The following OR9Q1 variants were observed in gnomAD, a reference collection of about 807,000 sequenced individuals.
The protein encoded by OR9Q1 is olfactory receptor family 9 subfamily Q member 1, also known as olfactory receptor 9Q1.
For synonymous variants in OR9Q1, 153 were observed against 148.6 expected, an observed-to-expected ratio of 1.03 and a Z score of -0.22; for missense variants, 374 against 378.8, an observed-to-expected ratio of 0.99 and a Z score of 0.11.
At chr11:58,113,669 A>G (rs1853923790) in intron 2 of OR9Q1, among the ~76,000 whole-genome samples, 2 of 152,188 alleles carry the variant, frequency 1.3e-5, no homozygotes, top group South Asian at 4.1e-4. Flanking sequence ...ATATAACTCT[A>G]TGCCAACTAT....
intron 1 of OR9Q1, among the ~76,000 whole-genome samples, chr11:58,026,147 G>A (rs1194676998): frequency 6.6e-6 from 1 of 152,158 alleles, no homozygotes; most frequent in Non-Finnish European, 1.5e-5. Flanking sequence ...GGCAGGACTT[G>A]CAACTCATTT....
chr11:58,032,598 C>T (rs912206595), intron 1 of OR9Q1, among the ~76,000 whole-genome samples: 2 of 152,132 alleles, frequency 1.3e-5, no homozygotes, highest in Non-Finnish European at 2.9e-5. Flanking sequence ...CTACTTATCA[C>T]CATATTCAAA....
chr11:58,112,209 C>G (rs1158944213), intron 2 of OR9Q1, among the ~76,000 whole-genome samples: 1 of 151,976 alleles, frequency 6.6e-6, no homozygotes, highest in African/African-American at 2.4e-5. Context: ...AGGAGAATTT[C>G]TTGAACCCGG....
chr11:58,066,322 A>AC (rs1400324040), intron 2 of OR9Q1, among the ~76,000 whole-genome samples: 1 of 152,114 alleles, frequency 6.6e-6, no homozygotes, highest in East Asian at 1.9e-4. Context: ...GATAGTGTCC[A>AC]CCATGGACAC....
chr11:58,025,268 G>T (rs1002967506), intron 1 of OR9Q1, among the ~76,000 whole-genome samples: 4 of 152,138 alleles, frequency 2.6e-5, no homozygotes, highest in Non-Finnish European at 5.9e-5. Flanking sequence ...CCGCCTCCCG[G>T]GTTCAAGAGA....
chr11:58,173,955 G>A (rs1312067085), intron 2 of OR9Q1, among the ~76,000 whole-genome samples: 2 of 152,174 alleles, frequency 1.3e-5, no homozygotes, highest in Non-Finnish European at 2.9e-5. Flanking sequence ...TGATCTTGAT[G>A]TAATTTGTTG....
chr11:58,142,838 T>A (rs1854263532), intron 2 of OR9Q1, among the ~76,000 whole-genome samples: 1 of 152,148 alleles, frequency 6.6e-6, no homozygotes. Context: ...AATTGTGGAA[T>A]AGCTTGATTC....
At chr11:58,114,990 G>T (rs977449425) in intron 2 of OR9Q1, among the ~76,000 whole-genome samples, 11 of 152,136 alleles carry the variant, frequency 7.2e-5, no homozygotes, top group African/African-American at 2.7e-4. Context: ...TGTCCACATG[G>T]CTTACCTGTC....
At chr11:58,129,687 A>G (rs1028904691) in intron 2 of OR9Q1, among the ~76,000 whole-genome samples, 4 of 152,100 alleles carry the variant, frequency 2.6e-5, no homozygotes, top group African/African-American at 7.2e-5. Context: ...TGCAGGTCTC[A>G]GTGTAAATAC....
intron 2 of OR9Q1, among the ~76,000 whole-genome samples, chr11:58,120,104 T>C (rs958573850): frequency 6.6e-6 from 1 of 152,184 alleles, no homozygotes; most frequent in Non-Finnish European, 1.5e-5. Flanking sequence ...CAAAAAGTCT[T>C]TCTTTCTACT....
intron 2 of OR9Q1, among the ~76,000 whole-genome samples, chr11:58,087,448 T>C (rs1853644615): frequency 6.6e-6 from 1 of 151,970 alleles, no homozygotes; most frequent in Non-Finnish European, 1.5e-5. Context: ...ATGATTGTAG[T>C]AAACTATTAT....
At chr11:58,162,239 C>G (rs1328657563) in intron 2 of OR9Q1, among the ~76,000 whole-genome samples, 1 of 152,166 alleles carries the variant, frequency 6.6e-6, no homozygotes, top group East Asian at 1.9e-4. Flanking sequence ...TAAAAATGTC[C>G]TAACTTCTCT....
At chr11:58,073,583 C>T (rs1442513722) in intron 2 of OR9Q1, 2 of 152,834 alleles carry the variant, frequency 1.3e-5, no homozygotes, top group African/African-American at 4.8e-5. Context: ...CTGTAAGTTT[C>T]CTGTCTGCAG....
chr11:58,108,310 A>C (rs1853862561), intron 2 of OR9Q1, among the ~76,000 whole-genome samples: 1 of 152,170 alleles, frequency 6.6e-6, no homozygotes, highest in African/African-American at 2.4e-5. Flanking sequence ...TTCTACAAAG[A>C]GTAAAGTCAG....
intron 2 of OR9Q1, among the ~76,000 whole-genome samples, chr11:58,113,840 G>T (rs916936411): frequency 3.3e-5 from 5 of 151,698 alleles, no homozygotes; most frequent in African/African-American, 9.7e-5. Context: ...AAATTGGAAA[G>T]CACATTGAAT....
chr11:58,088,898 C>T lies in OR9Q1; in HGVS notation c.-15+32951C>T, dbSNP rs548632401. On this transcript the variant is annotated intron_variant, in intron 2 of 2. Coordinates refer to ENST00000335397, the MANE Select transcript of OR9Q1 (RefSeq NM_001005212.4). ...TGCTTCTTTTTTTTTGTTTTTGAGA[C>T]GGAGTTTCGCTCTTGTTGCTCAGGT... Among the ~76,000 whole-genome samples the T allele has an allele frequency of 9.3e-5, 14 of 151,286 alleles. 1 individual carries two copies. Among genetic ancestry groups the T allele is most frequent in the East Asian group, 3.9e-4 (2 of 5,160 alleles).
At chr11:58,029,780 A>G (rs978006342) in intron 1 of OR9Q1, among the ~76,000 whole-genome samples, 5 of 151,670 alleles carry the variant, frequency 3.3e-5, no homozygotes, top group African/African-American at 9.7e-5. Flanking sequence ...TTCTGCAGTT[A>G]AAGTCACCAT....
chr11:58,081,797 T>C (rs1262716274), intron 2 of OR9Q1, among the ~76,000 whole-genome samples: 3 of 148,898 alleles, frequency 2.0e-5, no homozygotes, highest in East Asian at 2.0e-4. Context: ...TAGTTTCTTT[T>C]TTTTTTTTTT....
At chr11:58,117,624 G>A (rs1460309802) in intron 2 of OR9Q1, 1 of 152,116 alleles carries the variant, frequency 6.6e-6, no homozygotes, top group African/African-American at 2.4e-5. Flanking sequence ...GTAATATGGG[G>A]TTCAGTTGTC....
Sources: allele counts gnomAD v4.1 joint callset (sites outside exome capture counted in the v4.1 genomes callset), GRCh38; gene constraint gnomAD v4.1.1; transcripts MANE v1.5; gene names NCBI Gene and HGNC (gene_info 2026-07-23, HGNC 2026-07-21).